Variants in GALNT13 observed in about 807,000 individuals in gnomAD.
GALNT13 encodes the protein UDP-GalNAc:polypeptide N-acetylgalactosaminyltransferase 13.
GALNT13 carries 28 observed loss-of-function variants against 64.2 expected under a neutral mutation model. The ratio of observed to expected loss-of-function variants is 0.44; its 90% confidence interval spans 0.32 to 0.60. GALNT13 has a LOEUF of 0.60. Among genes scored for constraint, GALNT13 ranks in the 20% least tolerant of loss-of-function variants. The pLI is 0.05. For missense variants in GALNT13, 577 were observed against 669.8 expected (o/e 0.86, Z 1.53); for synonymous variants, 214 against 224.6 (o/e 0.95, Z 0.42).
At chr2:153,827,168 G>C in the GALNT13 span, among the ~76,000 whole-genome samples, 11 of 152,088 alleles carry the variant, frequency 7.2e-5, no homozygotes, top group Admixed American at 1.3e-4. Flanking sequence ...GAGAGAGAGA[G>C]CTTGTGCAGG....
the GALNT13 span, among the ~76,000 whole-genome samples, chr2:153,320,420 G>A: frequency 6.6e-6 from 1 of 152,136 alleles, no homozygotes; most frequent in South Asian, 2.1e-4. Flanking sequence ...GAGTGCCTAA[G>A]CTCTGTGCTT....
chr2:153,538,497 C>G, the GALNT13 span, among the ~76,000 whole-genome samples: 1 of 111,464 alleles, frequency 9.0e-6, no homozygotes. Flanking sequence ...CCCACTAACT[C>G]ATCATCTAGC....
chr2:154,126,617 A>T (rs1190553360), intron 3 of GALNT13, among the ~76,000 whole-genome samples: 2 of 151,006 alleles, frequency 1.3e-5, no homozygotes, highest in Non-Finnish European at 3.0e-5. Context: ...CCCGGACGAC[A>T]GAGCGAGACT....
chr2:154,342,288 G>A (rs942876132), intron 9 of GALNT13, among the ~76,000 whole-genome samples: 2 of 152,016 alleles, frequency 1.3e-5, no homozygotes, highest in Admixed American at 1.3e-4. Flanking sequence ...GTAATTCAAA[G>A]ATACTAACAA....
chr2:153,438,599 T>G, the GALNT13 span, among the ~76,000 whole-genome samples: 159 of 152,350 alleles, frequency 1.0e-3, 2 homozygotes, highest in African/African-American at 3.6e-3. Flanking sequence ...CTGATATACT[T>G]TCTTCCAGTT....
the GALNT13 span, among the ~76,000 whole-genome samples, chr2:153,552,472 C>T: frequency 4.6e-5 from 7 of 151,816 alleles, no homozygotes; most frequent in African/African-American, 1.7e-4. Context: ...GCTAATTCCA[C>T]CTTAATGTGA....
intron 8 of GALNT13, among the ~76,000 whole-genome samples, chr2:154,295,352 A>ATTTG (rs900810081): frequency 6.8e-6 from 1 of 147,078 alleles, no homozygotes; most frequent in Admixed American, 6.9e-5. Flanking sequence ...TTTTTATTTT[A>ATTTG]TTTATTTATT....
At chr2:154,332,626 A>G (rs1027323912) in intron 9 of GALNT13, among the ~76,000 whole-genome samples, 1 of 152,218 alleles carries the variant, frequency 6.6e-6, no homozygotes, top group African/African-American at 2.4e-5. Flanking sequence ...TTCACCCAGC[A>G]ACAAATCTCT....
At chr2:153,222,332 T>TGGGGGGGGGGGGGGG in the GALNT13 span, among the ~76,000 whole-genome samples, 15 of 103,778 alleles carry the variant, frequency 1.4e-4, no homozygotes, top group Non-Finnish European at 2.4e-4. Flanking sequence ...GGGGGTGGGG[T>TGGGGGGGGGGGGGGG]GGGGGGGGGG....
the GALNT13 span, among the ~76,000 whole-genome samples, chr2:153,481,373 A>G: frequency 6.6e-6 from 1 of 152,162 alleles, no homozygotes; most frequent in South Asian, 2.1e-4. Context: ...TTCAGTGAAC[A>G]ATTTCAGTTT....
At chr2:153,431,657 C>T in the GALNT13 span, among the ~76,000 whole-genome samples, 1 of 152,174 alleles carries the variant, frequency 6.6e-6, no homozygotes, top group South Asian at 2.1e-4. Context: ...ACTGGACAGA[C>T]AATTAGCATG....
the GALNT13 span, among the ~76,000 whole-genome samples, chr2:153,496,579 C>T: frequency 1.3e-5 from 2 of 152,044 alleles, no homozygotes; most frequent in Non-Finnish European, 2.9e-5. Context: ...TTTTTCTAAT[C>T]TATAAAATAT....
chr2:153,979,149 A>G (rs1694281794), intron 3 of GALNT13, among the ~76,000 whole-genome samples: 1 of 152,112 alleles, frequency 6.6e-6, no homozygotes. Context: ...TATTGTAGCT[A>G]TCCAAGAAAA....
intron 12 of GALNT13, chr2:154,446,785 T>A: frequency 3.4e-6 from 5 of 1,466,312 alleles, no homozygotes; most frequent in Non-Finnish European, 4.5e-6. Context: ...GCAGATTTTA[T>A]TAAATTTATT....
chr2:153,660,696 C>T, the GALNT13 span, among the ~76,000 whole-genome samples: 1 of 151,854 alleles, frequency 6.6e-6, no homozygotes, highest in Non-Finnish European at 1.5e-5. Flanking sequence ...ACAGTTAAAC[C>T]ACTGTAGATG....
chr2:153,861,947 T>C, the GALNT13 span, among the ~76,000 whole-genome samples: 4 of 152,270 alleles, frequency 2.6e-5, no homozygotes, highest in South Asian at 4.2e-4. Context: ...ATCTAGCTAA[T>C]GGTGGCTCAC....
At chr2:153,578,372 A>T in the GALNT13 span, among the ~76,000 whole-genome samples, 5 of 152,222 alleles carry the variant, frequency 3.3e-5, no homozygotes, top group East Asian at 9.6e-4. Context: ...GTAAAAAGCC[A>T]ATGTAATATT....
chr2:153,478,055 C>G, the GALNT13 span: 1 of 603,384 alleles, frequency 1.7e-6, no homozygotes, highest in East Asian at 2.8e-5. Flanking sequence ...CTCCGACTGC[C>G]AGGCATGAGG....
At chr2:153,676,065 G>T in the GALNT13 span, among the ~76,000 whole-genome samples, 1 of 151,890 alleles carries the variant, frequency 6.6e-6, no homozygotes, top group East Asian at 1.9e-4. Flanking sequence ...AAAGATCAAT[G>T]AAATCAAAAA....
Sources: gnomAD v4.1 joint callset for allele counts (sites outside exome capture counted in the v4.1 genomes callset) on GRCh38, gnomAD v4.1.1 for gene constraint, MANE v1.5 for transcripts, NCBI Gene and HGNC (gene_info 2026-07-23, HGNC 2026-07-21) for gene names.